ADCY2: variants seen among roughly 807,000 people sequenced by gnomAD.
ADCY2 encodes adenylate cyclase type 2.
ADCY2 carries 31 observed loss-of-function variants against 125.2 expected under a neutral mutation model. That is an observed-to-expected ratio of 0.25 (90% confidence interval 0.19 to 0.33). The LOEUF (loss-of-function observed/expected upper bound fraction) is 0.33. Ranked by LOEUF, ADCY2 falls within the 10% of genes least tolerant of loss-of-function variation. The pLI is 1.00. For synonymous variants in ADCY2, 512 were observed against 548.4 expected, an observed-to-expected ratio of 0.93 and a Z score of 0.93; for missense variants, 904 against 1,418.2, an observed-to-expected ratio of 0.64 and a Z score of 5.82.
intron 2 of ADCY2, among the ~76,000 whole-genome samples, chr5:7,459,468 G>A (rs1262798704): frequency 6.6e-6 from 1 of 152,148 alleles, no homozygotes; most frequent in Admixed American, 6.5e-5. Flanking sequence ...CACAGCTCAC[G>A]TTTCGAAGAC....
At chr5:7,825,244 A>ACGACAACGCTGCTGTGTGC (rs1745437530) in intron 24 of ADCY2, among the ~76,000 whole-genome samples, 1 of 122,432 alleles carries the variant, frequency 8.2e-6, no homozygotes, top group African/African-American at 5.1e-5. Flanking sequence ...CTGCTGTGTG[A>ACGACAACGCTGCTGTGTGC]CATGACAACG....
chr5:7,817,024 T>C lies in ADCY2; in HGVS notation c.2998+44T>C, dbSNP rs773070669. ...GTCTCGGTTTCAGTTGTGGCAAAGA[T>C]GTGGAATAAGGAGTAAGTCAGGAGA... is the stretch of plus-strand genomic sequence containing the variant. On this transcript the variant is annotated intron_variant, in intron 23 of 24. Transcript: ENST00000338316. 14 of 1,475,520 alleles carry C rather than the reference T, an allele frequency of 9.5e-6. No individual in the cohort carries two copies. The Admixed American group carries it at 2.4e-4, about 25-fold the overall frequency. The allele number at this position is 1,475,520 out of a possible 1,614,324, so 91.4% of individuals were successfully genotyped here.
intron 22 of ADCY2, among the ~76,000 whole-genome samples, chr5:7,808,640 C>T (rs1744832703): frequency 6.6e-6 from 1 of 152,196 alleles, no homozygotes; most frequent in Non-Finnish European, 1.5e-5. Context: ...GTGTATCTGT[C>T]TGTCCAGAGC....
chr5:7,786,454 A>T (rs1744085021), intron 19 of ADCY2, among the ~76,000 whole-genome samples: 1 of 152,126 alleles, frequency 6.6e-6, no homozygotes, highest in African/African-American at 2.4e-5. Flanking sequence ...TTTGCAACTT[A>T]TTTTCATTGT....
intron 4 of ADCY2, among the ~76,000 whole-genome samples, chr5:7,649,751 G>A (rs911401796): frequency 9.2e-5 from 14 of 152,324 alleles, no homozygotes; most frequent in African/African-American, 3.4e-4. Flanking sequence ...CAACTGCTTA[G>A]TATAGTCTTC....
At chr5:7,760,213 G>T (rs1743150004) in intron 16 of ADCY2, among the ~76,000 whole-genome samples, 1 of 152,238 alleles carries the variant, frequency 6.6e-6, no homozygotes, top group Non-Finnish European at 1.5e-5. Flanking sequence ...TCTAAAATGG[G>T]TTTTTCGGGC....
intron 4 of ADCY2, among the ~76,000 whole-genome samples, chr5:7,656,957 G>A (rs945133513): frequency 1.3e-5 from 2 of 152,114 alleles, no homozygotes; most frequent in African/African-American, 4.8e-5. Context: ...TACCACAAGT[G>A]GAAAATTCCA....
At position 7,700,719 on chromosome 5, in the gene ADCY2, C is replaced by CCACACACACA. The variant is rs56197160; in HGVS notation, c.1109+2374_1109+2383dup. 6.3e-3 allele frequency among the ~76,000 whole-genome samples: 616 copies of CCACACACACA among 98,324 alleles called. 7 individuals are homozygous for CCACACACACA. The highest frequency in any genetic ancestry group is 0.015 in the African/African-American group (394 of 25,974). 64.5% of individuals were successfully genotyped at this position (98,324 alleles called of 152,430 possible). ...CCCACCCCCCACCCCCTCGCACCCA[C>CCACACACACA]CACACACACACACACACACACACAC... is the stretch of plus-strand genomic sequence containing the variant. On this transcript the variant is annotated intron_variant, in intron 7 of 24. Coordinates refer to ENST00000338316, the MANE Select transcript of ADCY2 (RefSeq NM_020546.3).
rs547245625 is a variant in ADCY2, at chr5:7,423,861, C to T, written c.408+9091C>T. ...CTTTTCTTAAGAGGAGCATGGGCTC[C>T]GGTACTGAAAATTGGCATCATGACT... On this transcript the variant is annotated intron_variant, in intron 2 of 24. Transcript: ENST00000338316. Among the ~76,000 whole-genome samples the T allele has an allele frequency of 5.3e-4, 81 of 152,246 alleles. No homozygotes were observed. In the South Asian group the frequency reaches 0.014, roughly 26 times the overall value.
chr5:7,466,882 G>A (rs1467679642), intron 2 of ADCY2, among the ~76,000 whole-genome samples: 1 of 152,108 alleles, frequency 6.6e-6, no homozygotes, highest in Non-Finnish European at 1.5e-5. Context: ...CACCCCATGA[G>A]GCACAGACAG....
chr5:7,550,523 T>C (rs1441841632), intron 3 of ADCY2, among the ~76,000 whole-genome samples: 1 of 152,202 alleles, frequency 6.6e-6, no homozygotes, highest in Non-Finnish European at 1.5e-5. Context: ...GACATCTCTG[T>C]CAACTTTGGG....
intron 2 of ADCY2, among the ~76,000 whole-genome samples, chr5:7,439,772 A>C (rs879421656): frequency 1.3e-5 from 2 of 152,178 alleles, no homozygotes; most frequent in Non-Finnish European, 2.9e-5. Context: ...GGAAGAGTCC[A>C]GGGCACTTCA....
At chr5:7,559,113 C>A (rs1044882314) in intron 3 of ADCY2, among the ~76,000 whole-genome samples, 1 of 152,062 alleles carries the variant, frequency 6.6e-6, no homozygotes, top group Non-Finnish European at 1.5e-5. Context: ...TAACATGATG[C>A]CTCCAGCTTT....
intron 24 of ADCY2, among the ~76,000 whole-genome samples, chr5:7,825,024 A>C (rs1319596905): frequency 6.6e-6 from 1 of 152,090 alleles, no homozygotes; most frequent in Non-Finnish European, 1.5e-5. Flanking sequence ...CCTGTGTGCC[A>C]TAACACTGCT....
intron 15 of ADCY2, among the ~76,000 whole-genome samples, chr5:7,751,188 T>TA (rs773736421): frequency 2.6e-5 from 4 of 152,228 alleles, no homozygotes; most frequent in Non-Finnish European, 5.9e-5. Context: ...TGGCTCATTT[T>TA]AAAAAATACT....
At chr5:7,581,831 A>G (rs2126613201) in intron 3 of ADCY2, among the ~76,000 whole-genome samples, 1 of 151,962 alleles carries the variant, frequency 6.6e-6, no homozygotes, top group East Asian at 1.9e-4. Context: ...AAAAAAAAAA[A>G]AAAAGAAAAA....
chr5:7,572,624 C>T (rs1736101381), intron 3 of ADCY2, among the ~76,000 whole-genome samples: 1 of 152,086 alleles, frequency 6.6e-6, no homozygotes, highest in Non-Finnish European at 1.5e-5. Flanking sequence ...TGTGCAGAAG[C>T]TCTTTAGTTT....
intron 15 of ADCY2, among the ~76,000 whole-genome samples, chr5:7,753,527 TATAACATTTAATTA>T (rs1742892593): frequency 6.6e-6 from 1 of 152,220 alleles, no homozygotes; most frequent in Non-Finnish European, 1.5e-5. Flanking sequence ...TGTTGTCATT[TATAACATTTAATTA>T]GGATGGTCGG....
chr5:7,483,916 A>C (rs866965606), intron 2 of ADCY2, among the ~76,000 whole-genome samples: 3 of 152,196 alleles, frequency 2.0e-5, no homozygotes, highest in Non-Finnish European at 4.4e-5. Context: ...ATTTGCTTGC[A>C]TATTACTGGG....
Sources: allele counts gnomAD v4.1 joint callset (sites outside exome capture counted in the v4.1 genomes callset), GRCh38; gene constraint gnomAD v4.1.1; transcripts MANE v1.5; gene names NCBI Gene and HGNC (gene_info 2026-07-23, HGNC 2026-07-21).